The following RNF157 variants were observed in gnomAD, a reference collection of about 807,000 sequenced individuals.
RNF157 encodes E3 ubiquitin ligase RNF157.
In RNF157, 55 loss-of-function variants were observed where a neutral mutation model predicts 88.3. The ratio of observed to expected loss-of-function variants is 0.62; its 90% confidence interval spans 0.50 to 0.78. The LOEUF is 0.78. Among genes scored for constraint, RNF157 ranks in the 30% least tolerant of loss-of-function variants. The pLI is 0.00. For missense variants in RNF157, 788 were observed against 860.8 expected, an observed-to-expected ratio of 0.92 and a Z score of 1.06; for synonymous variants, 334 against 341.2, an observed-to-expected ratio of 0.98 and a Z score of 0.23.
At chr17:76,151,131 CCACG>C (rs1568020919) in intron 18 of RNF157, among the ~76,000 whole-genome samples, 1 of 152,248 alleles carries the variant, frequency 6.6e-6, no homozygotes. Context: ...GCTCCCTCCT[CCACG>C]CTCAGGCAGG....
At chr17:76,173,611 C>CT in intron 3 of RNF157, 91 bp downstream of exon 3, 1 of 963,646 alleles carries the variant, frequency 1.0e-6, no homozygotes, top group South Asian at 1.4e-5. Flanking sequence ...CCGGAAACTG[C>CT]TGTATGAGTT....
chr17:76,152,237 C>T (rs982069839), intron 18 of RNF157, 118 bp downstream of exon 18: 4 of 728,864 alleles, frequency 5.5e-6, no homozygotes, highest in African/African-American at 1.7e-5. Context: ...CACTAGCACA[C>T]CCCAGGCCTT....
At chr17:76,147,423 G>A in intron 18 of RNF157, 1 of 768,676 alleles carries the variant, frequency 1.3e-6, no homozygotes, top group South Asian at 5.7e-5. Flanking sequence ...CCACCAGCAA[G>A]CCATGGAATG....
Position 76,156,226 on chromosome 17 carries a change from A to G in RNF157, c.1509T>C (p.Thr503=), listed in dbSNP as rs755927532. ...CTTATGTACCTTCTGGGGAGGAAAT[A>G]GTGGATGACAGAGGCGTCCCTGTGC... ...SSCTGTPLSS[T]ISSPEGPASS... is the part of the protein sequence containing the mutation. The change falls in exon 14 of 19, where the codon ACT becomes ACC. Residue 503 remains threonine (T), a synonymous_variant. Transcript: ENST00000269391. 9.3e-5 allele frequency: 150 copies of G among 1,613,596 alleles called. No homozygotes were observed. Among genetic ancestry groups the G allele is most frequent in the Non-Finnish European group, 1.2e-4 (144 of 1,179,666 alleles).
rs559538450 is a variant in RNF157, at chr17:76,231,936, T to C, written c.88+8217A>G. ...TACCAGCCTTAGGCAAACACTATTCTGCTTTCTATCTCTATAAATGTGCTT... is the reference window on the plus strand; with the variant it reads ...TACCAGCCTTAGGCAAACACTATTCCGCTTTCTATCTCTATAAATGTGCTT... On this transcript the variant is annotated intron_variant, in intron 1 of 18. Coordinates refer to ENST00000269391, the MANE Select transcript of RNF157 (RefSeq NM_052916.3). Among the ~76,000 whole-genome samples the C allele has an allele frequency of 7.2e-5, 11 of 152,380 alleles. No homozygotes were observed. In the South Asian group the frequency reaches 2.3e-3, roughly 32 times the overall value.
chr17:76,169,279 CCT>C (rs142506135), intron 3 of RNF157, among the ~76,000 whole-genome samples: 29,962 of 151,866 alleles, frequency 0.2, 2,968 homozygotes, highest in Middle Eastern at 0.25. Flanking sequence ...ATTTCTGCTC[CCT>C]GTTTTTAATT....
At position 76,154,291 on chromosome 17, in the gene RNF157, G is replaced by C. The variant is rs770686501; in HGVS notation, c.1802C>G (p.Thr601Arg). The C allele has an allele frequency of 2.4e-5, 38 of 1,610,680 alleles. No individual in the cohort carries two copies. Among genetic ancestry groups the C allele is most frequent in the Non-Finnish European group, 3.1e-5 (37 of 1,176,862 alleles). Reference sequence around the variant, plus strand: ...ACCAGATCTTTTACCACCTTCCTGCGTGGGTGATCCATCCTCTTCCTCTAT... The same window carrying C: ...ACCAGATCTTTTACCACCTTCCTGCCTGGGTGATCCATCCTCTTCCTCTAT... ...DVIEEEDGSP[T>R]QEGQRTCAFL... is the part of the protein sequence containing the mutation. The change falls in exon 17 of 19, where the codon ACG becomes AGG. Residue 601 changes from threonine to arginine, a missense_variant. Coordinates refer to ENST00000269391, the MANE Select transcript of RNF157 (RefSeq NM_052916.3).
chr17:76,220,736 G>C (rs2069968445), intron 1 of RNF157, among the ~76,000 whole-genome samples: 1 of 152,044 alleles, frequency 6.6e-6, no homozygotes, highest in Non-Finnish European at 1.5e-5. Flanking sequence ...GAGGTGGGTG[G>C]ATCACGAGGT....
chr17:76,146,744 G>A lies in RNF157; in HGVS notation c.1922-1391C>T, dbSNP rs1295730399. 1 of 985,302 alleles carries A rather than the reference G, an allele frequency of 1.0e-6. No homozygotes were observed. Among genetic ancestry groups the A allele is most frequent in the Non-Finnish European group, 1.2e-6 (1 of 829,778 alleles). The allele number at this position is 985,302 out of a possible 1,614,324, so 61.0% of individuals were successfully genotyped here. A position where few individuals can be genotyped will look rare whatever the true frequency, so the allele number is the denominator to read the frequency against. On this transcript the variant is annotated intron_variant, in intron 18 of 18. Coordinates refer to ENST00000269391, the MANE Select transcript of RNF157 (RefSeq NM_052916.3). The surrounding 1 kb of genome is among the most constrained non-coding windows in gnomAD (Gnocchi z 4.2). ...ACAAAGCTCCTCCTGGGCAGGGGCC[G>A]TGACTTCTTCACTGTTGCAGTCCAG...
chr17:76,217,377 T>C (rs1870174852), intron 1 of RNF157, among the ~76,000 whole-genome samples: 1 of 152,172 alleles, frequency 6.6e-6, no homozygotes, highest in African/African-American at 2.4e-5. Context: ...AAAATTTGCT[T>C]TTTCCTTTCT....
intron 12 of RNF157, among the ~76,000 whole-genome samples, chr17:76,158,771 C>G (rs1010936031): frequency 6.6e-6 from 1 of 152,108 alleles, no homozygotes; most frequent in African/African-American, 2.4e-5. Context: ...TTAAGTAGGA[C>G]TAGGGAAATA....
intron 1 of RNF157, among the ~76,000 whole-genome samples, chr17:76,239,422 T>G (rs1274527270): frequency 6.6e-6 from 1 of 152,180 alleles, no homozygotes; most frequent in Admixed American, 6.5e-5. Flanking sequence ...ACCTCTGCCC[T>G]GTCCCAGAGC....
chr17:76,183,713 A>G (rs1411294919), intron 2 of RNF157, among the ~76,000 whole-genome samples: 3 of 152,014 alleles, frequency 2.0e-5, no homozygotes, highest in African/African-American at 7.3e-5. Context: ...ATTCTACTGT[A>G]AGGAAGAGCT....
chr17:76,212,263 A>G (rs924830626), intron 2 of RNF157, 101 bp downstream of exon 2: 18 of 795,922 alleles, frequency 2.3e-5, no homozygotes, highest in Middle Eastern at 4.7e-4. Flanking sequence ...ACTCAGACCA[A>G]GCTACAAACT....
intron 1 of RNF157, among the ~76,000 whole-genome samples, chr17:76,232,667 T>C (rs1335055959): frequency 6.6e-6 from 1 of 152,238 alleles, no homozygotes; most frequent in Admixed American, 6.5e-5. Flanking sequence ...TTTAAGACAC[T>C]GTCCAACTTT....
chr17:76,144,389 G>A lies in RNF157; in HGVS notation c.*846C>T, dbSNP rs1442434581. Reference sequence around the variant, plus strand: ...TTGGCGCGATCTCGGCTCACTGCAAGCTCCGCCTCCCGGGTTCAGGCCATT... The same window carrying A: ...TTGGCGCGATCTCGGCTCACTGCAAACTCCGCCTCCCGGGTTCAGGCCATT... On this transcript the variant is annotated 3_prime_UTR_variant, in exon 19 of 19. Transcript: ENST00000269391. 1 of 150,666 alleles carries A rather than the reference G, an allele frequency of 6.6e-6. No homozygotes were observed. The highest frequency in any genetic ancestry group is 1.5e-5 in the Non-Finnish European group (1 of 67,762). The allele number at this position is 150,666 out of a possible 1,614,324, so 9.3% of individuals were successfully genotyped here. A position where few individuals can be genotyped will look rare whatever the true frequency, so the allele number is the denominator to read the frequency against.
intron 1 of RNF157, among the ~76,000 whole-genome samples, chr17:76,230,234 G>C (rs1231047555): frequency 1.3e-5 from 2 of 152,192 alleles, no homozygotes; most frequent in East Asian, 3.8e-4. Flanking sequence ...TGGGAAATAA[G>C]TGGGTTTCTG....
At chr17:76,164,707 A>G (rs1395061325) in intron 8 of RNF157, 41 bp downstream of exon 8, 1 of 1,252,484 alleles carries the variant, frequency 8.0e-7, no homozygotes, top group South Asian at 1.4e-5. Flanking sequence ...AAAGGAAGGA[A>G]GGACCCTAAT....
intron 1 of RNF157, among the ~76,000 whole-genome samples, chr17:76,231,811 T>A (rs1210929217): frequency 1.3e-5 from 2 of 152,178 alleles, no homozygotes; most frequent in African/African-American, 4.8e-5. Flanking sequence ...CATTGAACAA[T>A]TCAATGATTT....
Sources: allele counts gnomAD v4.1 joint callset (sites outside exome capture counted in the v4.1 genomes callset), GRCh38; gene constraint gnomAD v4.1.1; non-coding constraint Gnocchi (gnomAD v3.1); transcripts MANE v1.5; gene names NCBI Gene and HGNC (gene_info 2026-07-23, HGNC 2026-07-21).